The following DCBLD2 variants were observed in gnomAD, a reference collection of about 807,000 sequenced individuals.
DCBLD2 encodes discoidin, CUB and LCCL domain-containing protein 2.
DCBLD2 carries 54 observed loss-of-function variants against 86.8 expected under a neutral mutation model. That is an observed-to-expected ratio of 0.62 (90% confidence interval 0.50 to 0.78). The LOEUF (loss-of-function observed/expected upper bound fraction) is 0.78, where lower values mean the gene tolerates loss of function less well. Ranked by LOEUF, DCBLD2 falls within the 30% of genes least tolerant of loss-of-function variation. The pLI, the probability that DCBLD2 is intolerant of heterozygous loss-of-function variation, is 0.00. For missense variants in DCBLD2, 908 were observed against 954.2 expected, an observed-to-expected ratio of 0.95 and a Z score of 0.64; for synonymous variants, 354 against 341.3, an observed-to-expected ratio of 1.04 and a Z score of -0.41.
rs145014629 is a variant in DCBLD2, at chr3:98,839,551, T to C, written c.571+9910A>G. Among the ~76,000 whole-genome samples the C allele has an allele frequency of 1.7e-3, 264 of 152,342 alleles. 1 individual carries two copies. Among genetic ancestry groups the C allele is most frequent in the African/African-American group, 5.8e-3 (242 of 41,582 alleles). ...TAGAATAACAGTGTCCTTTCATATG[T>C]AGCATATCTGTATTGATGGGTGAAA... is the stretch of plus-strand genomic sequence containing the variant. On this transcript the variant is annotated intron_variant, in intron 3 of 15. Transcript: ENST00000326840.
intron 14 of DCBLD2, 170 bp from the exon 15 acceptor site, chr3:98,800,886 C>T: frequency 2.7e-6 from 2 of 730,454 alleles, no homozygotes; most frequent in East Asian, 2.7e-5. Flanking sequence ...ATAGACTATC[C>T]AGCACCAAGC....
chr3:98,884,151 C>A (rs1012563486), intron 1 of DCBLD2, among the ~76,000 whole-genome samples: 5 of 151,954 alleles, frequency 3.3e-5, no homozygotes, highest in African/African-American at 1.2e-4. Context: ...AGTATTGCTC[C>A]TTAGTCTACT....
At chr3:98,875,907 T>C (rs966316470) in intron 2 of DCBLD2, among the ~76,000 whole-genome samples, 1 of 152,188 alleles carries the variant, frequency 6.6e-6, no homozygotes, top group East Asian at 1.9e-4. Flanking sequence ...AACCCCGATG[T>C]ACCAGGGATC....
Position 98,799,605 on chromosome 3 carries a change from A to T in DCBLD2, c.2095T>A (p.Ser699Thr). ...TGGTTCCCCGTAGCCTTGAAAGTGG[A>T]TGTGGAGGGCTGACCAACTGAAGTT... ...PTTSVGQPST[S>T]TFKATGNQPP... Residue 699 changes from serine to threonine, a missense_variant, in exon 16 of 16, where the codon TCC becomes ACC. Ser to Thr is a moderately conservative substitution (Grantham distance 58). Around this residue, in one of 3 missense-constraint regions of DCBLD2, gnomAD observed 606 missense variants for 678.5 expected, o/e 0.89. Transcript: ENST00000326840. 1 of 1,613,914 alleles carries T rather than the reference A, an allele frequency of 6.2e-7. No homozygotes were observed. Among genetic ancestry groups the T allele is most frequent in the Non-Finnish European group, 8.5e-7 (1 of 1,179,864 alleles).
intron 1 of DCBLD2, among the ~76,000 whole-genome samples, chr3:98,889,425 C>G (rs1576205937): frequency 1.3e-5 from 2 of 151,788 alleles, no homozygotes; most frequent in Non-Finnish European, 2.9e-5. Flanking sequence ...TGACCTGAAA[C>G]TTGGAAATAG....
chr3:98,899,405 C>T (rs1487827887), intron 1 of DCBLD2, among the ~76,000 whole-genome samples: 1 of 152,004 alleles, frequency 6.6e-6, no homozygotes, highest in Non-Finnish European at 1.5e-5. Flanking sequence ...GCATGTGCCA[C>T]CATGCCCGGC....
chr3:98,864,019 C>A (rs1400545098), intron 2 of DCBLD2, among the ~76,000 whole-genome samples: 3 of 152,110 alleles, frequency 2.0e-5, no homozygotes, highest in Non-Finnish European at 4.4e-5. Context: ...AAGAAAAAAA[C>A]AACCCCATCA....
intron 3 of DCBLD2, among the ~76,000 whole-genome samples, chr3:98,835,938 C>CTTT (rs66958811): frequency 7.6e-4 from 87 of 115,070 alleles, no homozygotes; most frequent in Non-Finnish European, 1.1e-3. Context: ...TCCTTTCTTT[C>CTTT]TTTTTTTTTT....
Position 98,844,833 on chromosome 3 carries a change from C to G in DCBLD2, c.571+4628G>C, listed in dbSNP as rs192031069. Among the ~76,000 whole-genome samples, 562 of 152,294 alleles carry G rather than the reference C, an allele frequency of 3.7e-3. 3 individuals carry two copies. Among genetic ancestry groups the G allele is most frequent in the African/African-American group, 0.013 (533 of 41,556 alleles). On this transcript the variant is annotated intron_variant, in intron 3 of 15. Coordinates refer to ENST00000326840, the MANE Select transcript of DCBLD2 (RefSeq NM_080927.4). ...AAGATACCACAAAGGTCCACATACA[C>G]GTTCAAATTTTCAGAAAGTCTGGCC...
At chr3:98,833,728 G>A (rs778972848) in intron 3 of DCBLD2, among the ~76,000 whole-genome samples, 4 of 152,186 alleles carry the variant, frequency 2.6e-5, no homozygotes, top group Non-Finnish European at 5.9e-5. Flanking sequence ...TGGGTACTGT[G>A]CTTGGGGTTC....
chr3:98,887,888 T>C (rs965137615), intron 1 of DCBLD2, among the ~76,000 whole-genome samples: 5 of 151,986 alleles, frequency 3.3e-5, no homozygotes, highest in African/African-American at 1.2e-4. Context: ...CTGGTGTACA[T>C]TCTATAGGTC....
intron 3 of DCBLD2, among the ~76,000 whole-genome samples, chr3:98,846,893 G>T (rs547497132): frequency 1.5e-4 from 23 of 151,882 alleles, no homozygotes; most frequent in Non-Finnish European, 2.6e-4. Flanking sequence ...AAAAAAACAG[G>T]ATACTTATTT....
At chr3:98,864,686 A>T (rs1943110357) in intron 2 of DCBLD2, among the ~76,000 whole-genome samples, 1 of 152,096 alleles carries the variant, frequency 6.6e-6, no homozygotes, top group African/African-American at 2.4e-5. Flanking sequence ...GGGGAACATC[A>T]CACTCTGGGG....
intron 1 of DCBLD2, among the ~76,000 whole-genome samples, chr3:98,884,390 T>A (rs13322253): frequency 0.052 from 7,826 of 151,288 alleles, 208 homozygotes; most frequent in African/African-American, 0.068. Flanking sequence ...AAATGTAGGA[T>A]GTTACACAGT....
chr3:98,850,959 A>G (rs189962864), intron 2 of DCBLD2, among the ~76,000 whole-genome samples: 265 of 152,244 alleles, frequency 1.7e-3, no homozygotes, highest in Admixed American at 6.5e-3. Flanking sequence ...AATAATAAGA[A>G]CTATTTATGA....
intron 2 of DCBLD2, among the ~76,000 whole-genome samples, chr3:98,861,127 A>G (rs932974644): frequency 6.6e-6 from 1 of 152,240 alleles, no homozygotes; most frequent in Non-Finnish European, 1.5e-5. Flanking sequence ...AGAGACAAAG[A>G]AGGCCATTAC....
At position 98,801,586 on chromosome 3, in the gene DCBLD2, A is replaced by T. The variant is rs1941719709; in HGVS notation, c.1720+14T>A. ...CCTCTGATAGAAATGAGATGCAAAG[A>T]CCACGTGAGTTACCTGCCCGGTCCC... is the stretch of plus-strand genomic sequence containing the variant. On this transcript the variant is annotated intron_variant, in intron 14 of 15. Transcript: ENST00000326840. 1 of 1,605,696 alleles carries T rather than the reference A, an allele frequency of 6.2e-7. No individual in the cohort carries two copies. The highest frequency in any genetic ancestry group is 8.5e-7 in the Non-Finnish European group (1 of 1,175,376).
chr3:98,813,225 A>G (rs1387194116), intron 9 of DCBLD2: 1 of 152,288 alleles, frequency 6.6e-6, no homozygotes, highest in East Asian at 1.9e-4. Flanking sequence ...AGTAGCTAGG[A>G]CTACAGAGGC....
chr3:98,846,050 A>G (rs1942715284), intron 3 of DCBLD2, among the ~76,000 whole-genome samples: 1 of 152,190 alleles, frequency 6.6e-6, no homozygotes, highest in Admixed American at 6.5e-5. Context: ...AAGTTCCATG[A>G]AGGTGTGATT....
Sources: allele counts gnomAD v4.1 joint callset (sites outside exome capture counted in the v4.1 genomes callset), GRCh38; gene constraint gnomAD v4.1.1; regional missense constraint gnomAD v4.1.1; transcripts MANE v1.5; gene names NCBI Gene and HGNC (gene_info 2026-07-23, HGNC 2026-07-21).